The following ITFG2 variants were observed in gnomAD, a reference collection of about 807,000 sequenced individuals.
The protein encoded by ITFG2 is KICSTOR complex protein ITFG2.
ITFG2 carries 36 observed loss-of-function variants against 54.4 expected under a neutral mutation model. That is an observed-to-expected ratio of 0.66 (90% CI 0.51 to 0.87). ITFG2 has a LOEUF of 0.87. Among genes scored for constraint, ITFG2 ranks in the 40% least tolerant of loss-of-function variants. ITFG2 has a pLI of 0.00. For missense variants in ITFG2, 524 were observed against 576.7 expected, an observed-to-expected ratio of 0.91 and a Z score of 0.94; for synonymous variants, 211 against 225.4, an observed-to-expected ratio of 0.94 and a Z score of 0.57.
intron 2 of ITFG2, among the ~76,000 whole-genome samples, chr12:2,846,136 AAG>A (rs1486368468): frequency 3.3e-5 from 5 of 152,140 alleles, no homozygotes; most frequent in Non-Finnish European, 5.9e-5. Context: ...GCCGATGAAC[AAG>A]AGAGCCTGGA....
intron 1 of ITFG2, among the ~76,000 whole-genome samples, chr12:2,837,178 A>C (rs1287312297): frequency 1.3e-5 from 2 of 151,994 alleles, no homozygotes; most frequent in Non-Finnish European, 2.9e-5. Flanking sequence ...CTAAAAATGC[A>C]AAAAATTAGC....
chr12:2,850,372 G>A (rs2098066086), intron 2 of ITFG2, among the ~76,000 whole-genome samples: 1 of 151,520 alleles, frequency 6.6e-6, no homozygotes, highest in Non-Finnish European at 1.5e-5. Flanking sequence ...TACTCGGGAG[G>A]CTGAGGCAGG....
At position 2,821,530 on chromosome 12, in the gene ITFG2, C is replaced by T; in HGVS notation, c.794-13C>T. 1 of 1,614,090 alleles carries T rather than the reference C, an allele frequency of 6.2e-7. No individual in the cohort carries two copies. Among genetic ancestry groups the T allele is most frequent in the African/African-American group, 1.3e-5 (1 of 75,042 alleles). ...GCCCTGCCCTTTACATATTCTTCCT[C>T]TGGTCCTCACAGGCCACGGCACTGA... On this transcript the variant is annotated splice_polypyrimidine_tract_variant and intron_variant, in intron 7 of 11. Coordinates refer to ENST00000228799, the MANE Select transcript of ITFG2 (RefSeq NM_018463.4).
upstream of ITFG2, chr12:2,834,734 G>T (rs756137995): frequency 6.2e-7 from 1 of 1,614,004 alleles, no homozygotes; most frequent in Non-Finnish European, 8.5e-7. Context: ...TGTTTGAGCC[G>T]GCGCTGCTGG....
upstream of ITFG2, among the ~76,000 whole-genome samples, chr12:2,835,976 A>T (rs2098026536): frequency 6.6e-6 from 1 of 152,202 alleles, no homozygotes; most frequent in South Asian, 2.1e-4. Flanking sequence ...AATTGACTTC[A>T]CCTGCTGTGT....
chr12:2,826,563 C>CGA (rs3056874), downstream of ITFG2: 2 of 152,526 alleles, frequency 1.3e-5, no homozygotes, highest in African/African-American at 4.8e-5. Context: ...GGTAATCAAA[C>CGA]TAACTGGCTT....
chr12:2,833,968 G>C (rs1425496989), upstream of ITFG2, among the ~76,000 whole-genome samples: 5 of 152,216 alleles, frequency 3.3e-5, no homozygotes, highest in Admixed American at 3.3e-4. Context: ...TTGCCTCTCA[G>C]AGGGGAATGC....
chr12:2,827,989 G>A (rs763920915), downstream of ITFG2: 18 of 1,614,094 alleles, frequency 1.1e-5, no homozygotes, highest in Admixed American at 2.0e-4. The surrounding 1 kb of genome is among the most constrained non-coding windows in gnomAD (Gnocchi z 4.0). Flanking sequence ...TGCTCCACCT[G>A]GGTTGGGGGC....
chr12:2,840,624 A>G (rs532260967), intron 1 of ITFG2, among the ~76,000 whole-genome samples: 131 of 151,978 alleles, frequency 8.6e-4, no homozygotes, highest in Middle Eastern at 3.4e-3. Flanking sequence ...ATCTCTACTA[A>G]AAATACAAAA....
intron 2 of ITFG2, chr12:2,855,101 G>T: frequency 1.3e-6 from 2 of 1,535,700 alleles, no homozygotes; most frequent in Admixed American, 2.0e-5. Context: ...GAGGGAGGGG[G>T]GATGGGGTGC....
At chr12:2,839,374 A>G (rs1009373140) in intron 1 of ITFG2, among the ~76,000 whole-genome samples, 6 of 152,228 alleles carry the variant, frequency 3.9e-5, no homozygotes, top group African/African-American at 1.2e-4. Context: ...ACTTCGTCCA[A>G]CTATTCAGGA....
chr12:2,832,561 C>T (rs10848710), upstream of ITFG2, among the ~76,000 whole-genome samples: 4 of 151,612 alleles, frequency 2.6e-5, no homozygotes, highest in African/African-American at 9.7e-5. Context: ...GATGTACCCT[C>T]TCCAGGATAC....
chr12:2,855,542 C>A, intron 2 of ITFG2: 1 of 962,652 alleles, frequency 1.0e-6, no homozygotes, highest in South Asian at 2.8e-5. Context: ...GGCACGACCT[C>A]TGCCAGCCCA....
At chr12:2,857,189 A>G (rs1333762309) in intron 2 of ITFG2, 10 of 648,930 alleles carry the variant, frequency 1.5e-5, no homozygotes, top group Non-Finnish European at 2.8e-5. Flanking sequence ...GCCCCTGGCT[A>G]CTTTTCAGGT....
chr12:2,848,641 T>A (rs564404669), intron 2 of ITFG2, among the ~76,000 whole-genome samples: 2 of 152,116 alleles, frequency 1.3e-5, no homozygotes, highest in South Asian at 4.2e-4. Context: ...TGACCTGACC[T>A]CTCCTCCTCC....
chr12:2,828,466 G>C, downstream of ITFG2: 6 of 1,362,722 alleles, frequency 4.4e-6, no homozygotes, highest in Non-Finnish European at 6.2e-6. Context: ...GAATGGGTTG[G>C]AATTGGATCC....
upstream of ITFG2, chr12:2,834,594 G>C: frequency 6.6e-7 from 1 of 1,526,050 alleles, no homozygotes; most frequent in Non-Finnish European, 8.8e-7. Context: ...TCTGGGAAGT[G>C]GAAGGAAAAG....
chr12:2,813,665 C>G (rs1184701844), intron 1 of ITFG2, among the ~76,000 whole-genome samples: 3 of 152,082 alleles, frequency 2.0e-5, no homozygotes, highest in Non-Finnish European at 4.4e-5. Flanking sequence ...TTTCATAGTT[C>G]TAATGCAAAG....
chr12:2,820,638 C>T, intron 5 of ITFG2, 86 bp from the exon 6 acceptor site: 1 of 300,176 alleles, frequency 3.3e-6, no homozygotes, highest in Non-Finnish European at 6.7e-6. Context: ...GCCCCCGCCC[C>T]CGCCCACCCA....
Sources: allele counts gnomAD v4.1 joint callset (sites outside exome capture counted in the v4.1 genomes callset), GRCh38; gene constraint gnomAD v4.1.1; non-coding constraint Gnocchi (gnomAD v3.1); transcripts MANE v1.5; gene names NCBI Gene and HGNC (gene_info 2026-07-23, HGNC 2026-07-21).